The following TMEM232 variants were observed in gnomAD, a reference collection of about 807,000 sequenced individuals.
The protein encoded by TMEM232 is transmembrane protein 232.
In TMEM232, 80 loss-of-function variants were observed where a neutral mutation model predicts 78.8. The ratio of observed to expected loss-of-function variants is 1.01; its 90% CI spans 0.85 to 1.22. The LOEUF is 1.22. Among genes scored for constraint, TMEM232 ranks in the 50% most tolerant of loss-of-function variants. The probability of loss-of-function intolerance (pLI) is 0.00; values close to 1 mark genes in which losing one functional copy is unlikely to be tolerated. For missense variants in TMEM232, 881 were observed against 742.2 expected (o/e 1.19, Z -2.17); for synonymous variants, 297 against 254.3 (o/e 1.17, Z -1.60).
Position 110,625,332 on chromosome 5 carries a change from G to A in TMEM232, c.703C>T (p.Arg235Cys), listed in dbSNP as rs1297085805. The A allele has an allele frequency of 8.4e-6, 13 of 1,546,092 alleles. No individual in the cohort carries two copies. Among genetic ancestry groups the A allele is most frequent in the Admixed American group, 4.0e-5 (2 of 50,582 alleles). ...ACAGGTCTAAAAATGGATTCAGAAC[G>A]GAGTTCTCTTTTACCTATAATTTCC... Reference protein sequence around the residue: ...ASEIIGKRELRSESIFRPVED... With the variant: ...ASEIIGKRELCSESIFRPVED... The change falls in exon 7 of 14, where the codon CGT becomes TGT. Residue 235 changes from arginine to cysteine, a missense_variant. Coordinates refer to ENST00000455884, the MANE Select transcript of TMEM232 (RefSeq NM_001039763.4).
intron 3 of TMEM232, among the ~76,000 whole-genome samples, chr5:110,392,881 T>C (rs769769665): frequency 2.0e-5 from 3 of 152,178 alleles, no homozygotes; most frequent in Non-Finnish European, 2.9e-5. Flanking sequence ...AGGAGAGATA[T>C]TGCTTGTTGT....
intron 1 of TMEM232, among the ~76,000 whole-genome samples, chr5:110,700,296 T>A (rs1225625246): frequency 6.6e-6 from 1 of 152,086 alleles, no homozygotes; most frequent in African/African-American, 2.4e-5. Flanking sequence ...TAAGGAATTG[T>A]CAAAATGATT....
At chr5:110,559,682 G>A (rs1048729982) in intron 11 of TMEM232, among the ~76,000 whole-genome samples, 1 of 152,040 alleles carries the variant, frequency 6.6e-6, no homozygotes, top group African/African-American at 2.4e-5. Context: ...TTTCAGTATT[G>A]GTAAGGATTA....
chr5:110,684,288 T>G (rs1332384576), intron 1 of TMEM232, among the ~76,000 whole-genome samples: 1 of 152,094 alleles, frequency 6.6e-6, no homozygotes, highest in South Asian at 2.1e-4. Context: ...TTTTTAAATA[T>G]TTACATTAAA....
At chr5:110,626,433 A>G (rs1784435778) in intron 6 of TMEM232, among the ~76,000 whole-genome samples, 2 of 152,054 alleles carry the variant, frequency 1.3e-5, no homozygotes, top group African/African-American at 4.8e-5. Context: ...ACTTATGCTA[A>G]TGGTACTAAT....
chr5:110,482,919 A>C (rs905824306), intron 12 of TMEM232, among the ~76,000 whole-genome samples: 27 of 150,588 alleles, frequency 1.8e-4, no homozygotes, highest in African/African-American at 6.8e-4. Flanking sequence ...ACTTTCCTAC[A>C]AGAAATACTA....
chr5:110,483,120 G>A (rs1047882854), intron 12 of TMEM232, among the ~76,000 whole-genome samples: 26 of 152,010 alleles, frequency 1.7e-4, no homozygotes, highest in African/African-American at 5.8e-4. Context: ...ATGTTGTTGG[G>A]CATACAATGT....
chr5:110,565,374 GC>G (rs1776215033), intron 11 of TMEM232, among the ~76,000 whole-genome samples: 2 of 151,844 alleles, frequency 1.3e-5, no homozygotes, highest in South Asian at 4.2e-4. Flanking sequence ...GTAAAAATAT[GC>G]CCAAGGTCAC....
chr5:110,621,824 T>C (rs556654346), intron 7 of TMEM232, among the ~76,000 whole-genome samples: 15 of 152,270 alleles, frequency 9.9e-5, no homozygotes, highest in East Asian at 9.7e-4. Flanking sequence ...TGGGCTATCA[T>C]TTGTAGCTGG....
chr5:110,569,057 T>C (rs1365970725), intron 10 of TMEM232, among the ~76,000 whole-genome samples: 1 of 151,856 alleles, frequency 6.6e-6, no homozygotes, highest in East Asian at 1.9e-4. Context: ...TGAAACATGG[T>C]ATTTGAACCA....
chr5:110,602,841 C>T (rs1446313895), intron 10 of TMEM232, among the ~76,000 whole-genome samples: 3 of 152,198 alleles, frequency 2.0e-5, no homozygotes, highest in East Asian at 1.9e-4. Flanking sequence ...CACATGCACA[C>T]GTATGTTTAT....
chr5:110,667,090 A>G (rs947986354), intron 2 of TMEM232, 138 bp downstream of exon 2: 42 of 650,438 alleles, frequency 6.5e-5, no homozygotes, highest in Non-Finnish European at 1.0e-4. Flanking sequence ...TACAATAAAC[A>G]AGGCTATTAA....
chr5:110,500,884 T>G (rs951882387), intron 12 of TMEM232, among the ~76,000 whole-genome samples: 1 of 152,132 alleles, frequency 6.6e-6, no homozygotes. Flanking sequence ...ATGTAAAGCT[T>G]TAGGTTTTCA....
intron 10 of TMEM232, among the ~76,000 whole-genome samples, chr5:110,576,706 A>G (rs1455751135): frequency 1.3e-5 from 2 of 152,112 alleles, no homozygotes; most frequent in Non-Finnish European, 2.9e-5. Flanking sequence ...AATGGAACAG[A>G]ATAGAGAACC....
intron 12 of TMEM232, among the ~76,000 whole-genome samples, chr5:110,467,102 C>T (rs767843619): frequency 1.5e-4 from 23 of 151,838 alleles, no homozygotes; most frequent in Non-Finnish European, 2.4e-4. Flanking sequence ...AGAAGATGGA[C>T]GGCAGACCAA....
intron 12 of TMEM232, among the ~76,000 whole-genome samples, chr5:110,504,652 A>T (rs1198582945): frequency 6.6e-6 from 1 of 152,222 alleles, no homozygotes; most frequent in Admixed American, 6.5e-5. Flanking sequence ...AAGACAAGAA[A>T]AGACTGATGT....
intron 2 of TMEM232, among the ~76,000 whole-genome samples, chr5:110,408,818 C>CT (rs113121469): frequency 1.3e-5 from 2 of 151,988 alleles, no homozygotes; most frequent in South Asian, 2.1e-4. Context: ...TCTTTTTGCA[C>CT]TTTTTTTGCT....
chr5:110,693,394 T>C (rs1580693204), intron 1 of TMEM232, among the ~76,000 whole-genome samples: 1 of 152,206 alleles, frequency 6.6e-6, no homozygotes, highest in Non-Finnish European at 1.5e-5. Context: ...AAAATCAGAG[T>C]GCCTCTCCTC....
At chr5:110,527,859 G>A (rs984403434) in intron 12 of TMEM232, among the ~76,000 whole-genome samples, 1 of 151,872 alleles carries the variant, frequency 6.6e-6, no homozygotes, top group Admixed American at 6.6e-5. Flanking sequence ...CAAATGACTT[G>A]GGTTAAAAAG....
Sources: gnomAD v4.1 joint callset for allele counts (sites outside exome capture counted in the v4.1 genomes callset) on GRCh38, gnomAD v4.1.1 for gene constraint, MANE v1.5 for transcripts, NCBI Gene and HGNC (gene_info 2026-07-23, HGNC 2026-07-21) for gene names.